Variants in LARGE1 observed in about 807,000 individuals in gnomAD.
LARGE1 encodes the protein LARGE xylosyl- and glucuronyltransferase 1, also known as xylosyl- and glucuronyltransferase LARGE1.
A neutral mutation model predicts 87.6 loss-of-function variants in LARGE1; 43 were observed. That is an observed-to-expected ratio of 0.49 (90% CI 0.38 to 0.63). The LOEUF is 0.63. LARGE1 is among the 30% of genes least tolerant of loss of function. LARGE1 has a pLI of 0.00. For synonymous variants in LARGE1, 434 were observed against 394.6 expected (o/e 1.10, Z -1.18); for missense variants, 802 against 1,000.2 (o/e 0.80, Z 2.67).
At chr22:33,887,139 G>A (rs2064874662) in intron 1 of LARGE1, among the ~76,000 whole-genome samples, 1 of 152,186 alleles carries the variant, frequency 6.6e-6, no homozygotes, top group South Asian at 2.1e-4. Flanking sequence ...AATGAGTTCT[G>A]CTGTGGTCTG....
chr22:33,703,740 C>G (rs545879115), intron 2 of LARGE1, among the ~76,000 whole-genome samples: 1 of 152,202 alleles, frequency 6.6e-6, no homozygotes, highest in Non-Finnish European at 1.5e-5. Context: ...CTCAGAGCTT[C>G]CAGAAGAAAA....
intron 5 of LARGE1, among the ~76,000 whole-genome samples, chr22:33,602,390 C>T (rs2079135792): frequency 6.6e-6 from 1 of 152,090 alleles, no homozygotes; most frequent in South Asian, 2.1e-4. Flanking sequence ...CATACCACTA[C>T]AATTGTACCA....
chr22:33,148,080 G>A, the LARGE1 span, among the ~76,000 whole-genome samples: 2 of 152,168 alleles, frequency 1.3e-5, no homozygotes, highest in Non-Finnish European at 2.9e-5. Flanking sequence ...CTCTTCAAGG[G>A]ATGAGTTTGG....
chr22:33,338,235 G>GC (rs1938713281), intron 9 of LARGE1, among the ~76,000 whole-genome samples: 3 of 152,136 alleles, frequency 2.0e-5, no homozygotes, highest in Non-Finnish European at 2.9e-5. Context: ...AAAGGCGCTT[G>GC]CTCCTCCTGT....
chr22:33,266,588 C>A (rs1927955853), intron 11 of LARGE1, among the ~76,000 whole-genome samples: 1 of 151,684 alleles, frequency 6.6e-6, no homozygotes, highest in Non-Finnish European at 1.5e-5. Flanking sequence ...GAGAATACTA[C>A]ATCGTGCTTC....
At chr22:33,271,919 C>T (rs553316227), downstream of LARGE1, among the ~76,000 whole-genome samples, 1 of 152,376 alleles carries the variant, frequency 6.6e-6, no homozygotes, top group South Asian at 2.1e-4. Flanking sequence ...GTATCAGTTT[C>T]TGGCCTTAAT....
At chr22:33,230,001 GTTCTT>G (rs1443955151) in intron 11 of LARGE1, among the ~76,000 whole-genome samples, 30 of 111,692 alleles carry the variant, frequency 2.7e-4, no homozygotes, top group African/African-American at 9.2e-4. Context: ...CATTTTCAAA[GTTCTT>G]TTTTTTTTTT....
intron 11 of LARGE1, among the ~76,000 whole-genome samples, chr22:33,224,100 G>A (rs137469): frequency 0.042 from 6,336 of 152,004 alleles, 184 homozygotes; most frequent in Admixed American, 0.088. Flanking sequence ...CCTAGCTAAT[G>A]CAGTGAAATC....
At chr22:33,479,431 G>T (rs1356017035) in intron 6 of LARGE1, among the ~76,000 whole-genome samples, 2 of 152,222 alleles carry the variant, frequency 1.3e-5, no homozygotes, top group African/African-American at 4.8e-5. Context: ...AGGAAGGAAA[G>T]ATCTGGTCTC....
chr22:33,560,540 G>C (rs2077824351), intron 6 of LARGE1, among the ~76,000 whole-genome samples: 1 of 152,144 alleles, frequency 6.6e-6, no homozygotes, highest in South Asian at 2.1e-4. Context: ...TTCAGATTAT[G>C]GGTGTGTATT....
chr22:33,833,042 T>C (rs1198840792), intron 1 of LARGE1, among the ~76,000 whole-genome samples: 1 of 152,178 alleles, frequency 6.6e-6, no homozygotes, highest in Admixed American at 6.5e-5. Context: ...AACTGCAGGA[T>C]GCCCCAGTGC....
intron 11 of LARGE1, among the ~76,000 whole-genome samples, chr22:33,223,448 G>A (rs976282470): frequency 6.6e-6 from 1 of 152,142 alleles, no homozygotes; most frequent in Non-Finnish European, 1.5e-5. Context: ...AGGCTGATTG[G>A]GATAGAACCA....
At chr22:33,382,694 C>CGGG (rs903036555) in intron 8 of LARGE1, among the ~76,000 whole-genome samples, 1 of 152,064 alleles carries the variant, frequency 6.6e-6, no homozygotes, top group African/African-American at 2.4e-5. Context: ...CAGGTGGCGC[C>CGGG]GGGAGGTGAA....
intron 1 of LARGE1, among the ~76,000 whole-genome samples, chr22:33,853,141 C>A (rs59027659): frequency 1.3e-5 from 2 of 151,966 alleles, no homozygotes; most frequent in Non-Finnish European, 2.9e-5. Flanking sequence ...TTCAGATATG[C>A]GACAACTGAG....
At chr22:33,913,934 C>T (rs1433516933) in intron 1 of LARGE1, among the ~76,000 whole-genome samples, 3 of 152,078 alleles carry the variant, frequency 2.0e-5, no homozygotes, top group South Asian at 2.1e-4. Flanking sequence ...AATATAATAA[C>T]GGAATTAGCT....
intron 6 of LARGE1, among the ~76,000 whole-genome samples, chr22:33,485,681 A>C (rs2069543561): frequency 6.6e-6 from 1 of 152,154 alleles, no homozygotes; most frequent in South Asian, 2.1e-4. Flanking sequence ...CTACCAAATT[A>C]GGTTCCAAGT....
intron 9 of LARGE1, among the ~76,000 whole-genome samples, chr22:33,377,357 C>G (rs561910900): frequency 2.8e-4 from 43 of 152,300 alleles, no homozygotes; most frequent in Middle Eastern, 3.4e-3. Context: ...TGTTACTGAT[C>G]CTTTGGCCAA....
chr22:33,421,270 C>T (rs1482026696), intron 7 of LARGE1, among the ~76,000 whole-genome samples: 2 of 152,094 alleles, frequency 1.3e-5, no homozygotes, highest in African/African-American at 4.8e-5. Flanking sequence ...ATACTAATAT[C>T]TAACATTTAT....
At chr22:33,620,138 C>T (rs938073655) in intron 4 of LARGE1, among the ~76,000 whole-genome samples, 2 of 152,180 alleles carry the variant, frequency 1.3e-5, no homozygotes, top group Non-Finnish European at 2.9e-5. Context: ...CTCTTTTATT[C>T]ACCACGTCCT....
Sources: gnomAD v4.1 joint callset for allele counts (sites outside exome capture counted in the v4.1 genomes callset) on GRCh38, gnomAD v4.1.1 for gene constraint, MANE v1.5 for transcripts, NCBI Gene and HGNC (gene_info 2026-07-23, HGNC 2026-07-21) for gene names.